The following NELL1 variants were observed in gnomAD, a reference collection of about 807,000 sequenced individuals.
NELL1 encodes neural EGFL like 1, also known as protein kinase C-binding protein NELL1.
A neutral mutation model predicts 107.4 loss-of-function variants in NELL1; 76 were observed. The observed-to-expected ratio is 0.71, with a 90% CI of 0.59 to 0.86. The LOEUF (loss-of-function observed/expected upper bound fraction) is 0.86. Ranked by LOEUF, NELL1 falls within the 40% of genes least tolerant of loss-of-function variation. The pLI is 0.00. For synonymous variants in NELL1, 353 were observed against 341.2 expected (o/e 1.03, Z -0.38); for missense variants, 1,024 against 1,005.5 (o/e 1.02, Z -0.25).
chr11:21,433,066 A>G lies in NELL1; in HGVS notation c.1645+62118A>G, dbSNP rs543352100. On this transcript the variant is annotated intron_variant, in intron 15 of 19. Transcript: ENST00000357134. ...GACCATAATTTTACTCTCTGCTTCT[A>G]TGAACTCATTCTTTTAGCTCCCATA... Among the ~76,000 whole-genome samples, 16 of 152,198 alleles carry G rather than the reference A, an allele frequency of 1.1e-4. No individual in the cohort carries two copies. In the South Asian group the frequency reaches 2.7e-3, roughly 26 times the overall value.
chr11:20,929,918 G>A (rs541193407), intron 9 of NELL1, among the ~76,000 whole-genome samples: 40 of 150,976 alleles, frequency 2.6e-4, no homozygotes, highest in Non-Finnish European at 4.1e-4. Context: ...GTTGCAGTGA[G>A]CTGAGATCGC....
At position 21,110,566 on chromosome 11, in the gene NELL1, A is replaced by T. The variant is rs140180710; in HGVS notation, c.1301-3023A>T. On this transcript the variant is annotated intron_variant, in intron 12 of 19. Coordinates refer to ENST00000357134, the MANE Select transcript of NELL1 (RefSeq NM_006157.5). Reference sequence around the variant, plus strand: ...GATGGCCTAAGAAAAATGAGCCAGGAGGTTTCTCTGGAAGGTGTTGACAAG... The same window carrying T: ...GATGGCCTAAGAAAAATGAGCCAGGTGGTTTCTCTGGAAGGTGTTGACAAG... 3.1e-3 allele frequency among the ~76,000 whole-genome samples: 466 copies of T among 152,262 alleles called. 4 individuals are homozygous for T. Among genetic ancestry groups the T allele is most frequent in the African/African-American group, 0.011 (440 of 41,574 alleles).
intron 5 of NELL1, among the ~76,000 whole-genome samples, chr11:20,904,629 GA>G (rs1849953173): frequency 6.6e-6 from 1 of 152,088 alleles, no homozygotes; most frequent in Non-Finnish European, 1.5e-5. Context: ...GGTAAGGTCA[GA>G]AAAGACTTGA....
At chr11:20,763,205 T>C (rs1348976109) in intron 2 of NELL1, among the ~76,000 whole-genome samples, 3 of 152,222 alleles carry the variant, frequency 2.0e-5, no homozygotes, top group African/African-American at 7.2e-5. Context: ...CCTGCTGGGG[T>C]CTATCCACCC....
At chr11:21,371,121 C>G (rs994101610) in intron 15 of NELL1, among the ~76,000 whole-genome samples, 173 bp downstream of exon 15, 1 of 152,064 alleles carries the variant, frequency 6.6e-6, no homozygotes, top group South Asian at 2.1e-4. Context: ...GCCTCCCACT[C>G]TCTGAAAATA....
At chr11:21,294,350 T>C (rs1849331663) in intron 14 of NELL1, among the ~76,000 whole-genome samples, 1 of 152,094 alleles carries the variant, frequency 6.6e-6, no homozygotes, top group Non-Finnish European at 1.5e-5. Flanking sequence ...TATTTCACAT[T>C]TTGTCTTGTA....
At chr11:20,707,254 C>A (rs146963897) in intron 2 of NELL1, among the ~76,000 whole-genome samples, 1 of 152,146 alleles carries the variant, frequency 6.6e-6, no homozygotes, top group African/African-American at 2.4e-5. Context: ...TTTTAGTTAG[C>A]CATTCATCTA....
intron 4 of NELL1, among the ~76,000 whole-genome samples, chr11:20,861,141 T>C (rs1304785398): frequency 1.3e-5 from 2 of 152,196 alleles, no homozygotes; most frequent in Non-Finnish European, 2.9e-5. Flanking sequence ...GTGCAAAGTA[T>C]TTAAAGATAT....
At chr11:21,179,862 C>CTTTTTT (rs1164420669) in intron 13 of NELL1, among the ~76,000 whole-genome samples, 1,283 of 75,680 alleles carry the variant, frequency 0.017, 223 homozygotes, top group African/African-American at 0.04. Context: ...AATCAACACA[C>CTTTTTT]TTTTTTTTTT....
At position 21,471,041 on chromosome 11, in the gene NELL1, A is replaced by G. The variant is rs140646637; in HGVS notation, c.1646-63333A>G. 3.4e-3 allele frequency among the ~76,000 whole-genome samples: 524 copies of G among 152,242 alleles called. 4 individuals are homozygous for G. Among genetic ancestry groups the G allele is most frequent in the African/African-American group, 0.012 (484 of 41,560 alleles). On this transcript the variant is annotated intron_variant, in intron 15 of 19. Transcript: ENST00000357134. ...TCATATTTTGAAAGCATTATACTCAATCCTTTTAAGACCACAGCATGTCTG... is the reference window on the plus strand; with the variant it reads ...TCATATTTTGAAAGCATTATACTCAGTCCTTTTAAGACCACAGCATGTCTG...
intron 2 of NELL1, 123 bp from the exon 3 acceptor site, chr11:20,783,557 C>T: frequency 1.6e-6 from 1 of 631,416 alleles, no homozygotes; most frequent in African/African-American, 1.8e-5. Flanking sequence ...CATTTTTAAC[C>T]ATGGATCTTT....
chr11:21,161,706 T>C (rs1273210632), intron 13 of NELL1, among the ~76,000 whole-genome samples: 1 of 152,096 alleles, frequency 6.6e-6, no homozygotes. Flanking sequence ...TAATAGTACA[T>C]TTTATTTAAT....
At chr11:21,145,163 C>A (rs570996410) in intron 13 of NELL1, among the ~76,000 whole-genome samples, 20 of 152,222 alleles carry the variant, frequency 1.3e-4, no homozygotes, top group African/African-American at 4.6e-4. Context: ...GTGTGCCAAG[C>A]ACACAAGGCA....
chr11:21,196,027 T>A (rs1182492367), intron 13 of NELL1, among the ~76,000 whole-genome samples: 1 of 152,172 alleles, frequency 6.6e-6, no homozygotes, highest in Non-Finnish European at 1.5e-5. Context: ...GGTTATTTGG[T>A]TTTATTGTTT....
intron 12 of NELL1, among the ~76,000 whole-genome samples, chr11:21,051,884 A>C (rs10430907): frequency 0.4 from 60,265 of 152,010 alleles, 14,522 homozygotes; most frequent in African/African-American, 0.67. Flanking sequence ...TTTTGTGGGG[A>C]TTACATCCTA....
intron 12 of NELL1, among the ~76,000 whole-genome samples, chr11:20,976,891 T>C (rs1851647844): frequency 1.3e-5 from 2 of 152,164 alleles, no homozygotes; most frequent in Admixed American, 1.3e-4. Context: ...TTGTTTTCTT[T>C]AACGCAAACT....
At chr11:20,694,733 G>C (rs1854569183) in intron 2 of NELL1, among the ~76,000 whole-genome samples, 1 of 151,828 alleles carries the variant, frequency 6.6e-6, no homozygotes, top group Admixed American at 6.6e-5. Flanking sequence ...GTTTCTGTGG[G>C]GTAATGCTCT....
chr11:20,688,390 C>A (rs1182829137), intron 2 of NELL1, among the ~76,000 whole-genome samples: 1 of 152,086 alleles, frequency 6.6e-6, no homozygotes, highest in Non-Finnish European at 1.5e-5. Flanking sequence ...TATCTTCCCC[C>A]TCTCGTAGTT....
At chr11:20,859,773 C>T (rs1848945157) in intron 4 of NELL1, among the ~76,000 whole-genome samples, 1 of 147,910 alleles carries the variant, frequency 6.8e-6, no homozygotes, top group Admixed American at 6.9e-5. Flanking sequence ...TAGATATGTA[C>T]TAGAGCCTGC....
Sources: gnomAD v4.1 joint callset for allele counts (sites outside exome capture counted in the v4.1 genomes callset) on GRCh38, gnomAD v4.1.1 for gene constraint, MANE v1.5 for transcripts, NCBI Gene and HGNC (gene_info 2026-07-23, HGNC 2026-07-21) for gene names.